NUDT19: variants seen among roughly 807,000 people sequenced by gnomAD.
NUDT19 encodes the protein nudix hydrolase 19.
A neutral mutation model predicts 22.2 loss-of-function variants in NUDT19; 31 were observed. The observed-to-expected ratio is 1.40, with a 90% confidence interval of 1.05 to 1.89. The LOEUF (loss-of-function observed/expected upper bound fraction) is 1.89, where lower values mean the gene tolerates loss of function less well. Among genes scored for constraint, NUDT19 ranks in the 40% most tolerant of loss-of-function variants. The pLI is 0.00. For synonymous variants in NUDT19, 325 were observed against 230.8 expected (o/e 1.41, Z -3.70); for missense variants, 752 against 514.2 (o/e 1.46, Z -4.47).
At chr19:32,702,634 T>C (rs916113027) in intron 1 of NUDT19, among the ~76,000 whole-genome samples, 1 of 152,212 alleles carries the variant, frequency 6.6e-6, no homozygotes, top group Non-Finnish European at 1.5e-5. Context: ...AGTGTGTTTC[T>C]TGCAGGCAGC....
At chr19:32,696,664 C>T (rs1255812354) in intron 1 of NUDT19, among the ~76,000 whole-genome samples, 2 of 152,142 alleles carry the variant, frequency 1.3e-5, no homozygotes, top group African/African-American at 4.8e-5. Flanking sequence ...GTGGGACTTT[C>T]AGGCATAACA....
chr19:32,704,095 T>C (rs1192217350), intron 1 of NUDT19, among the ~76,000 whole-genome samples: 1 of 152,214 alleles, frequency 6.6e-6, no homozygotes, highest in African/African-American at 2.4e-5. Context: ...CCTCTAACTT[T>C]TGCTTGCTTG....
chr19:32,710,407 T>A (rs1599803859), intron 2 of NUDT19, among the ~76,000 whole-genome samples: 1 of 118,838 alleles, frequency 8.4e-6, no homozygotes, highest in South Asian at 2.9e-4. Flanking sequence ...TAACTCTATC[T>A]CAACTGAAAA....
chr19:32,691,908 A>C lies in NUDT19; in HGVS notation c.-53A>C. 1.9e-6 allele frequency: 2 copies of C among 1,075,516 alleles called. No individual in the cohort carries two copies. The highest frequency in any genetic ancestry group is 2.3e-6 in the Non-Finnish European group (2 of 852,204). The allele number at this position is 1,075,516 out of a possible 1,614,324, so 66.6% of individuals were successfully genotyped here. On this transcript the variant is annotated 5_prime_UTR_variant, in exon 1 of 3. Coordinates refer to ENST00000397061, the MANE Select transcript of NUDT19 (RefSeq NM_001105570.2). ...GCTGGGGTCCCTGCAGGGCCGGGCC[A>C]CCTGCCGTGGAGCTCAGGCCGCGCC... is the stretch of plus-strand genomic sequence containing the variant.
chr19:32,692,167 G>T lies in NUDT19; in HGVS notation c.207G>T (p.Ala69=). Residue 69 remains alanine (A), a synonymous_variant, in exon 1 of 3, where the codon GCG becomes GCT. Coordinates refer to ENST00000397061, the MANE Select transcript of NUDT19 (RefSeq NM_001105570.2). ...TCTTCTCCGGCGGAGTGCTGGATGC[G>T]GCCGACCGCTCGGCGGACTGGCTGG... is the stretch of plus-strand genomic sequence containing the variant. ...AHVFSGGVLD[A]ADRSADWLGL... is the part of the protein sequence containing the mutation. The T allele has an allele frequency of 6.5e-7, 1 of 1,531,026 alleles. No individual in the cohort carries two copies. Among genetic ancestry groups the T allele is most frequent in the South Asian group, 1.2e-5 (1 of 83,594 alleles). 94.8% of individuals were successfully genotyped at this position (1,531,026 alleles called of 1,614,324 possible). A position where few individuals can be genotyped will look rare whatever the true frequency, so the allele number is the denominator to read the frequency against.
At chr19:32,708,760 A>G (rs1315398675) in intron 1 of NUDT19, among the ~76,000 whole-genome samples, 2 of 152,168 alleles carry the variant, frequency 1.3e-5, no homozygotes, top group African/African-American at 4.8e-5. Context: ...GGTGTCCATC[A>G]TTATATCCTC....
intron 2 of NUDT19, among the ~76,000 whole-genome samples, chr19:32,711,198 T>A (rs1968443188): frequency 6.6e-6 from 1 of 151,986 alleles, no homozygotes; most frequent in African/African-American, 2.4e-5. Flanking sequence ...GCGCAGTAGT[T>A]CACGCCTGTA....
In NUDT19 at chr19:32,713,628, GT is replaced by G. The variant is rs1255768142; in HGVS notation, c.*1674del. 2 of 152,114 alleles carry G rather than the reference GT, an allele frequency of 1.3e-5. No individual in the cohort carries two copies. Among genetic ancestry groups the G allele is most frequent in the Admixed American group, 1.3e-4 (2 of 15,262 alleles). 9.4% of individuals were successfully genotyped at this position (152,114 alleles called of 1,614,324 possible). ...TTCATCATCTTTCAAGAGGAATAAT[GT>G]TTATTGATTAAAGGTGAGAAATGAT... On this transcript the variant is annotated 3_prime_UTR_variant, in exon 3 of 3. Coordinates refer to ENST00000397061, the MANE Select transcript of NUDT19 (RefSeq NM_001105570.2).
At chr19:32,697,345 A>C (rs1968276136) in intron 1 of NUDT19, among the ~76,000 whole-genome samples, 1 of 152,152 alleles carries the variant, frequency 6.6e-6, no homozygotes, top group South Asian at 2.1e-4. Context: ...ATTGGGTAAT[A>C]AACTTGTCTT....
chr19:32,692,769 C>T (rs974098175), intron 1 of NUDT19, 95 bp downstream of exon 1: 1 of 900,856 alleles, frequency 1.1e-6, no homozygotes, highest in Non-Finnish European at 1.6e-6. Flanking sequence ...CCCGCATAGG[C>T]CAAGCCCAGA....
In NUDT19 at chr19:32,709,283, C is replaced by A. The variant is rs1968420926; in HGVS notation, c.813C>A (p.Ala271=). 1 of 1,613,166 alleles carries A rather than the reference C, an allele frequency of 6.2e-7. No homozygotes were observed. The highest frequency in any genetic ancestry group is 1.3e-5 in the African/African-American group (1 of 74,914). The stretch of plus-strand genomic sequence containing the variant: ...AAGTGAGAAGACTTGCAAACTTTGC[C>A]TCTCTCTCTGACTTGCACAAATTTT... ...FYEVRRLANF[A]SLSDLHKFCL... is the part of the protein sequence containing the mutation. Residue 271 remains alanine (A), a synonymous_variant, in exon 2 of 3, where the codon GCC becomes GCA. Coordinates refer to ENST00000397061, the MANE Select transcript of NUDT19 (RefSeq NM_001105570.2).
intron 1 of NUDT19, among the ~76,000 whole-genome samples, chr19:32,693,721 C>G (rs1349621685): frequency 6.6e-6 from 1 of 152,152 alleles, no homozygotes; most frequent in Non-Finnish European, 1.5e-5. Flanking sequence ...ATTTACAAAC[C>G]TTTAGCTAGA....
Position 32,692,105 on chromosome 19 carries a change from C to T in NUDT19, c.145C>T (p.Arg49Cys). The change falls in exon 1 of 3, where the codon CGC becomes TGC. Residue 49 changes from arginine to cysteine, a missense_variant. Coordinates refer to ENST00000397061, the MANE Select transcript of NUDT19 (RefSeq NM_001105570.2). ...GGGCTTCCGGCTGCTGCTGCTGCAG[C>T]GCTCCCCGCACCAAGGCTTCATGCC... Reference protein sequence around the residue: ...AEGFRLLLLQRSPHQGFMPGA... With the variant: ...AEGFRLLLLQCSPHQGFMPGA... 1 of 1,407,374 alleles carries T rather than the reference C, an allele frequency of 7.1e-7. No homozygotes were observed. Among genetic ancestry groups the T allele is most frequent in the East Asian group, 3.0e-5 (1 of 33,114 alleles). The allele number at this position is 1,407,374 out of a possible 1,614,324, so 87.2% of individuals were successfully genotyped here.
chr19:32,705,392 C>G (rs1231650867), intron 1 of NUDT19, among the ~76,000 whole-genome samples: 7 of 151,244 alleles, frequency 4.6e-5, no homozygotes, highest in Admixed American at 3.3e-4. Context: ...GCACTGCACT[C>G]CAGCCTGGGT....
In NUDT19 at chr19:32,692,201, G is replaced by GCGC. The variant is rs775824564; in HGVS notation, c.245_247dup (p.Pro82dup). 7.0e-6 allele frequency: 11 copies of GCGC among 1,573,884 alleles called. No homozygotes were observed. The highest frequency in any genetic ancestry group is 4.3e-6 in the Non-Finnish European group (5 of 1,169,910). On this transcript the variant is annotated inframe_insertion, in exon 1 of 3. Transcript: ENST00000397061. ...CTCGGCGGACTGGCTGGGCCTCTTC[G>GCGC]CGCCGCACCACGGGCCGCCGCGCTT... is the stretch of plus-strand genomic sequence containing the variant.
chr19:32,697,826 A>G (rs1216488374), intron 1 of NUDT19, among the ~76,000 whole-genome samples: 1 of 152,202 alleles, frequency 6.6e-6, no homozygotes, highest in Non-Finnish European at 1.5e-5. Context: ...ATACCTATCA[A>G]GATCATCTGA....
chr19:32,699,263 C>A (rs1568432822), intron 1 of NUDT19, among the ~76,000 whole-genome samples: 1 of 152,112 alleles, frequency 6.6e-6, no homozygotes, highest in African/African-American at 2.4e-5. Context: ...GGACTAGCCT[C>A]AAAGAAAGGC....
intron 1 of NUDT19, among the ~76,000 whole-genome samples, chr19:32,698,187 C>T (rs1386708050): frequency 6.6e-6 from 1 of 152,142 alleles, no homozygotes; most frequent in African/African-American, 2.4e-5. Context: ...ATTTGCCTTC[C>T]CTCTTACAGA....
rs766073709 is a variant in NUDT19 at position 32,709,389 on chromosome 19, C to G, written c.919C>G (p.Pro307Ala). Residue 307 changes from proline (P) to alanine (A), a missense_variant, in exon 2 of 3, where the codon CCA becomes GCA. Transcript: ENST00000397061. ...TGCTGATGGGATGGTCCATCTTTTA[C>G]CAGGTAAACCAGTGAAGCATCGGTG... ...LTADGMVHLL[P>A]GDELYLEDSD... 3 of 1,613,296 alleles carry G rather than the reference C, an allele frequency of 1.9e-6. No homozygotes were observed. The highest frequency in any genetic ancestry group is 2.5e-6 in the Non-Finnish European group (3 of 1,179,246).
Sources: allele counts gnomAD v4.1 joint callset (sites outside exome capture counted in the v4.1 genomes callset), GRCh38; gene constraint gnomAD v4.1.1; transcripts MANE v1.5; gene names NCBI Gene and HGNC (gene_info 2026-07-23, HGNC 2026-07-21).